ALG2: variants seen among roughly 807,000 people sequenced by gnomAD.
ALG2 encodes the protein ALG2 alpha-1,3/1,6-mannosyltransferase, also known as alpha-1,3/1,6-mannosyltransferase ALG2.
In ALG2, 32 loss-of-function variants were observed where a neutral mutation model predicts 30.5. The observed-to-expected ratio is 1.05, with a 90% CI of 0.79 to 1.41. The LOEUF (loss-of-function observed/expected upper bound fraction) is 1.41, where lower values mean the gene tolerates loss of function less well. Among genes scored for constraint, ALG2 ranks in the 40% most tolerant of loss-of-function variants. The pLI is 0.00. For synonymous variants in ALG2, 253 were observed against 224.8 expected (o/e 1.13, Z -1.12); for missense variants, 574 against 526.4 (o/e 1.09, Z -0.88).
chr9:99,217,889 C>A lies in ALG2; in HGVS notation c.*45G>T. 6.3e-7 allele frequency: 1 copy of A among 1,599,908 alleles called. No individual in the cohort carries two copies. The highest frequency in any genetic ancestry group is 8.6e-7 in the Non-Finnish European group (1 of 1,167,280). On this transcript the variant is annotated 3_prime_UTR_variant, in exon 2 of 2. Coordinates refer to ENST00000476832, the MANE Select transcript of ALG2 (RefSeq NM_033087.4). ...TTTTTTGGTTTCAAAACTGGGTCTA[C>A]AATCCATAAAAATGACATTAATGGA...
In ALG2 at chr9:99,217,848, T is replaced by G; in HGVS notation, c.*86A>C. On this transcript the variant is annotated 3_prime_UTR_variant, in exon 2 of 2. Coordinates refer to ENST00000476832, the MANE Select transcript of ALG2 (RefSeq NM_033087.4). ...TATTTTTTAAAAGATCTCTTCTGCA[T>G]TAGATTCTAGGTTTCTTTTTTGGTT... The G allele has an allele frequency of 1.4e-6, 2 of 1,435,890 alleles. No homozygotes were observed. The highest frequency in any genetic ancestry group is 2.0e-6 in the Non-Finnish European group (2 of 1,021,986). 88.9% of individuals were successfully genotyped at this position (1,435,890 alleles called of 1,614,324 possible).
chr9:99,218,829 G>A lies in ALG2; in HGVS notation c.356C>T (p.Ala119Val). ...FDVVVCDQVS[A>V]CIPVFRLARR... ...AGCCAGCCTGAACACTGGGATACAG[G>A]CAGACACCTAGCCAAAGCAAAAATC... Residue 119 changes from alanine (A) to valine (V), a missense_variant, in exon 2 of 2, where the codon GCC becomes GTC. Physicochemically the swap from Ala to Val is moderately conservative, Grantham distance 64 (BLOSUM62 0). Coordinates refer to ENST00000476832, the MANE Select transcript of ALG2 (RefSeq NM_033087.4). The A allele has an allele frequency of 6.2e-7, 1 of 1,603,600 alleles. No homozygotes were observed. The highest frequency in any genetic ancestry group is 8.5e-7 in the Non-Finnish European group (1 of 1,179,956).
In ALG2 at chr9:99,221,645, G is replaced by A. The variant is rs1459984191; in HGVS notation, c.250C>T (p.Arg84Cys). 1.9e-6 allele frequency: 3 copies of A among 1,541,332 alleles called. No individual in the cohort carries two copies. The highest frequency in any genetic ancestry group is 2.6e-6 in the Non-Finnish European group (3 of 1,146,554). Residue 84 changes from arginine to cysteine, a missense_variant, in exon 1 of 2, where the codon CGC (arginine) becomes TGC (cysteine). Transcript: ENST00000476832. ...WLPRGLGWGG[R>C]GAAVCAYVRM... ...ACGTAGGCGCAGACGGCGGCGCCGC[G>A]GCCGCCCCAGCCCAGGCCTCGCGGC... is the stretch of plus-strand genomic sequence containing the variant.
intron 1 of ALG2, chr9:99,221,262 C>T: frequency 9.3e-7 from 1 of 1,080,556 alleles, no homozygotes; most frequent in South Asian, 1.7e-5. Context: ...AGACTATCTA[C>T]CTCGGAATCA....
At position 99,221,814 on chromosome 9, in the gene ALG2, G is replaced by A; in HGVS notation, c.81C>T (p.Gly27=). The A allele has an allele frequency of 1.3e-6, 2 of 1,597,540 alleles. No homozygotes were observed. Among genetic ancestry groups the A allele is most frequent in the Non-Finnish European group, 1.7e-6 (2 of 1,179,214 alleles). The part of the protein sequence containing the change: ...VLFLHPDLGV[G]GAERLVLDAA... ...CGTCCAACACCAGCCGCTCAGCGCCGCCCACGCCCAGGTCTGGGTGGAGGA... is the reference window on the plus strand; with the variant it reads ...CGTCCAACACCAGCCGCTCAGCGCCACCCACGCCCAGGTCTGGGTGGAGGA... The change falls in exon 1 of 2, where the codon GGC becomes GGT. Residue 27 remains glycine, a synonymous_variant. Coordinates refer to ENST00000476832, the MANE Select transcript of ALG2 (RefSeq NM_033087.4).
rs761327880 is a variant in ALG2 at position 99,217,429 on chromosome 9, T to TA, written c.*504dup. The TA allele has an allele frequency of 2.2e-6, 1 of 454,132 alleles. No individual in the cohort carries two copies. Among genetic ancestry groups the TA allele is most frequent in the South Asian group, 1.6e-5 (1 of 64,466 alleles). The allele number at this position is 454,132 out of a possible 1,614,324, so 28.1% of individuals were successfully genotyped here. On this transcript the variant is annotated 3_prime_UTR_variant, in exon 2 of 2. Transcript: ENST00000476832. ...AAAATACAAATTATCTTAAAAAAAA[T>TA]ACAGAGCACTCTCGCTATGGATCCA...
chr9:99,218,973 A>ACT, intron 1 of ALG2, 137 bp from the exon 2 acceptor site: 2 of 928,020 alleles, frequency 2.2e-6, no homozygotes, highest in Non-Finnish European at 3.4e-6. Flanking sequence ...ATTCCCCAAG[A>ACT]CTCTCACCCA....
chr9:99,221,505 G>A (rs1332742269), intron 1 of ALG2, 42 bp downstream of exon 1: 1 of 1,532,802 alleles, frequency 6.5e-7, no homozygotes, highest in Admixed American at 2.0e-5. Flanking sequence ...GCCCTCCACG[G>A]CGAGGTCCGC....
At chr9:99,221,446 G>A (rs77921350) in intron 1 of ALG2, 101 bp downstream of exon 1, 1 of 1,334,978 alleles carries the variant, frequency 7.5e-7, no homozygotes, top group Non-Finnish European at 1.0e-6. Context: ...TCCGATCTTT[G>A]CGAACCGCAG....
Position 99,218,612 on chromosome 9 carries a change from C to A in ALG2, c.573G>T (p.Leu191=). 1 of 1,614,194 alleles carries A rather than the reference C, an allele frequency of 6.2e-7. No homozygotes were observed. The highest frequency in any genetic ancestry group is 8.5e-7 in the Non-Finnish European group (1 of 1,180,030). ...AGAGGACATCAGGGTCTATGTGAGA[C>A]AGGGACTTGAATGTTTCCTTAAAAA... is the stretch of plus-strand genomic sequence containing the variant. ...AAVFKETFKS[L]SHIDPDVLYP... is the part of the protein sequence containing the mutation. The change falls in exon 2 of 2, where the codon CTG becomes CTT. Residue 191 remains leucine (L), a synonymous_variant. Transcript: ENST00000476832.
At chr9:99,220,302 T>G (rs943406003) in intron 1 of ALG2, among the ~76,000 whole-genome samples, 1 of 152,222 alleles carries the variant, frequency 6.6e-6, no homozygotes, top group African/African-American at 2.4e-5. Flanking sequence ...AGGAGAATGT[T>G]TAATTATGAC....
chr9:99,217,728 T>C lies in ALG2; in HGVS notation c.*206A>G, dbSNP rs1056458604. 4.3e-6 allele frequency: 3 copies of C among 691,918 alleles called. No individual in the cohort carries two copies. The highest frequency in any genetic ancestry group is 2.8e-5 in the East Asian group (1 of 35,282). 42.9% of individuals were successfully genotyped at this position (691,918 alleles called of 1,614,324 possible). ...ATTTGTAACTTAACACTGGCAAAATTTGGAATGATTATAGCATAAAAGACA... is the reference window on the plus strand; with the variant it reads ...ATTTGTAACTTAACACTGGCAAAATCTGGAATGATTATAGCATAAAAGACA... On this transcript the variant is annotated 3_prime_UTR_variant, in exon 2 of 2. Transcript: ENST00000476832.
In ALG2 at chr9:99,218,548, G is replaced by C. The variant is rs1200660848; in HGVS notation, c.637C>G (p.Pro213Ala). The change falls in exon 2 of 2, where the codon CCT (proline) becomes GCT (alanine). Residue 213 changes from proline to alanine, a missense_variant. Coordinates refer to ENST00000476832, the MANE Select transcript of ALG2 (RefSeq NM_033087.4). The part of the protein sequence containing the change: ...LNVTSFDSVV[P>A]EKLDDLVPKG... ...GGGACTAGGTCATCCAGCTTTTCAG[G>C]AACAACTGAGTCAAAGCTGGTGACA... is the stretch of plus-strand genomic sequence containing the variant. 1 of 1,614,172 alleles carries C rather than the reference G, an allele frequency of 6.2e-7. No individual in the cohort carries two copies. Among genetic ancestry groups the C allele is most frequent in the East Asian group, 2.2e-5 (1 of 44,886 alleles).
rs775663149 is a variant in ALG2, at chr9:99,218,084, C to A, written c.1101G>T (p.Val367=). The change falls in exon 2 of 2, where the codon GTG becomes GTT. Residue 367 remains valine, a synonymous_variant. Coordinates refer to ENST00000476832, the MANE Select transcript of ALG2 (RefSeq NM_033087.4). ...ACTTTTCTATTGCTTCTGAGAAGTG[C>A]ACCGGGTCAGGCTCACACAGAAACC... is the stretch of plus-strand genomic sequence containing the variant. ...VTGFLCEPDP[V]HFSEAIEKFI... 3.7e-6 allele frequency: 6 copies of A among 1,613,898 alleles called. No individual in the cohort carries two copies. The highest frequency in any genetic ancestry group is 5.1e-6 in the Non-Finnish European group (6 of 1,179,876).
chr9:99,219,603 G>A (rs1245029672), intron 1 of ALG2, among the ~76,000 whole-genome samples: 2 of 152,198 alleles, frequency 1.3e-5, no homozygotes, highest in African/African-American at 2.4e-5. Context: ...CACAGTATGT[G>A]CTCAATAAAT....
At chr9:99,219,537 A>G (rs1828755753) in intron 1 of ALG2, among the ~76,000 whole-genome samples, 1 of 152,212 alleles carries the variant, frequency 6.6e-6, no homozygotes, top group Non-Finnish European at 1.5e-5. Flanking sequence ...AAAAACCCAT[A>G]TACTTTTTGT....
intron 1 of ALG2, among the ~76,000 whole-genome samples, chr9:99,219,887 A>G (rs1828761397): frequency 1.3e-5 from 2 of 152,256 alleles, no homozygotes; most frequent in Admixed American, 1.3e-4. Flanking sequence ...GATGTTTGGT[A>G]AATGTCCACG....
chr9:99,216,749 G>A lies in ALG2; in HGVS notation c.*1185C>T, dbSNP rs1351781673. 2 of 453,464 alleles carry A rather than the reference G, an allele frequency of 4.4e-6. No individual in the cohort carries two copies. The highest frequency in any genetic ancestry group is 2.4e-5 in the Admixed American group (1 of 42,484). 28.1% of individuals were successfully genotyped at this position (453,464 alleles called of 1,614,324 possible). A position where few individuals can be genotyped will look rare whatever the true frequency, so the allele number is the denominator to read the frequency against. On this transcript the variant is annotated 3_prime_UTR_variant, in exon 2 of 2. Coordinates refer to ENST00000476832, the MANE Select transcript of ALG2 (RefSeq NM_033087.4). ...TTATAACCGCACTATGAGGAAAGTA[G>A]AATAGTACAATTATCTCACTTTGCA... is the stretch of plus-strand genomic sequence containing the variant.
In ALG2 at chr9:99,221,793, C is replaced by G; in HGVS notation, c.102G>C (p.Leu34Phe). Residue 34 changes from leucine (L) to phenylalanine (F), a missense_variant, in exon 1 of 2, where the codon TTG becomes TTC. Coordinates refer to ENST00000476832, the MANE Select transcript of ALG2 (RefSeq NM_033087.4). Reference protein sequence around the residue: ...LGVGGAERLVLDAALALQARG... With the variant: ...LGVGGAERLVFDAALALQARG... ...GCGCCTGCAGCGCCAGCGCCGCGTC[C>G]AACACCAGCCGCTCAGCGCCGCCCA... 1.3e-6 allele frequency: 2 copies of G among 1,598,074 alleles called. No individual in the cohort carries two copies. The highest frequency in any genetic ancestry group is 1.7e-6 in the Non-Finnish European group (2 of 1,179,366).
Sources: gnomAD v4.1 joint callset for allele counts (sites outside exome capture counted in the v4.1 genomes callset) on GRCh38, gnomAD v4.1.1 for gene constraint, MANE v1.5 for transcripts, NCBI Gene and HGNC (gene_info 2026-07-23, HGNC 2026-07-21) for gene names.